Variants in ADAMTSL1 observed in about 807,000 individuals in gnomAD.
ADAMTSL1 encodes ADAMTS-like protein 1.
ADAMTSL1 carries 126 observed loss-of-function variants against 201.8 expected under a neutral mutation model. The ratio of observed to expected loss-of-function variants is 0.62; its 90% CI spans 0.54 to 0.72. The LOEUF (loss-of-function observed/expected upper bound fraction) is 0.72. Ranked by LOEUF, ADAMTSL1 falls within the 30% of genes least tolerant of loss-of-function variation. The pLI, the probability that ADAMTSL1 is intolerant of heterozygous loss-of-function variation, is 0.00. For missense variants in ADAMTSL1, 2,679 were observed against 2,277.8 expected (o/e 1.18, Z -3.59); for synonymous variants, 1,121 against 903.4 (o/e 1.24, Z -4.32).
At chr9:18,607,807 T>C (rs1275620492) in intron 4 of ADAMTSL1, among the ~76,000 whole-genome samples, 1 of 147,932 alleles carries the variant, frequency 6.8e-6, no homozygotes, top group African/African-American at 2.5e-5. Flanking sequence ...AGTTCCCACC[T>C]ATGAGTGAGA....
intron 2 of ADAMTSL1, among the ~76,000 whole-genome samples, chr9:18,298,373 A>C (rs565549948): frequency 2.6e-5 from 4 of 152,318 alleles, no homozygotes; most frequent in African/African-American, 9.6e-5. Context: ...AAATCAGATG[A>C]CAAAAAGTGT....
chr9:17,927,115 G>A (rs188932541), intron 1 of ADAMTSL1, among the ~76,000 whole-genome samples: 1 of 152,056 alleles, frequency 6.6e-6, no homozygotes, highest in Non-Finnish European at 1.5e-5. Flanking sequence ...TTATGATTTT[G>A]ACTGCTCTAG....
At chr9:18,052,432 G>A (rs1821980001) in intron 1 of ADAMTSL1, among the ~76,000 whole-genome samples, 1 of 152,218 alleles carries the variant, frequency 6.6e-6, no homozygotes, top group African/African-American at 2.4e-5. Flanking sequence ...AGCCAATGGA[G>A]AGATGGGGGA....
intron 13 of ADAMTSL1, among the ~76,000 whole-genome samples, chr9:18,706,451 TC>T (rs1478902670): frequency 6.6e-6 from 1 of 152,166 alleles, no homozygotes; most frequent in Non-Finnish European, 1.5e-5. Context: ...AACCACCAAT[TC>T]CCTGCTTGGA....
At chr9:17,981,614 T>C (rs1818702250) in intron 1 of ADAMTSL1, among the ~76,000 whole-genome samples, 1 of 152,212 alleles carries the variant, frequency 6.6e-6, no homozygotes, top group Non-Finnish European at 1.5e-5. Flanking sequence ...TGCGTTTTCT[T>C]CTGCCAGGCA....
intron 4 of ADAMTSL1, among the ~76,000 whole-genome samples, chr9:18,593,194 G>A (rs1564075648): frequency 6.6e-6 from 1 of 151,946 alleles, no homozygotes; most frequent in Non-Finnish European, 1.5e-5. Context: ...TTTCCAATTT[G>A]GAAACCCTTT....
intron 1 of ADAMTSL1, among the ~76,000 whole-genome samples, chr9:18,077,769 C>A (rs548939462): frequency 1.2e-3 from 180 of 152,196 alleles, no homozygotes; most frequent in Non-Finnish European, 1.8e-3. Context: ...TATTTGTATG[C>A]TGATAGAATG....
At chr9:18,122,237 C>T (rs1039476575) in intron 1 of ADAMTSL1, among the ~76,000 whole-genome samples, 4 of 151,934 alleles carry the variant, frequency 2.6e-5, no homozygotes, top group Non-Finnish European at 5.9e-5. Context: ...TTCATAACTC[C>T]AATAATAGTT....
At chr9:18,230,918 G>T (rs189878602) in intron 2 of ADAMTSL1, among the ~76,000 whole-genome samples, 14 of 152,212 alleles carry the variant, frequency 9.2e-5, no homozygotes, top group Admixed American at 6.5e-4. Flanking sequence ...GTACATATTT[G>T]TGCCTAGGAT....
rs1421077752 is a variant in ADAMTSL1 at position 18,661,816 on chromosome 9, T to C, written c.947-119T>C. On this transcript the variant is annotated intron_variant, in intron 8 of 28. Transcript: ENST00000380548. Reference sequence around the variant, plus strand: ...CCTTCCAATTATGTGTCTTTTTTCCTGGAAATGACTAAGGCATTGGGGAAT... The same window carrying C: ...CCTTCCAATTATGTGTCTTTTTTCCCGGAAATGACTAAGGCATTGGGGAAT... The C allele has an allele frequency of 2.7e-6, 3 of 1,098,704 alleles. No homozygotes were observed. In the East Asian group the frequency reaches 8.2e-5, roughly 30 times the overall value. 68.1% of individuals were successfully genotyped at this position (1,098,704 alleles called of 1,614,324 possible).
chr9:18,791,504 CAAAGGG>C (rs1399366903), intron 19 of ADAMTSL1, among the ~76,000 whole-genome samples: 2 of 151,734 alleles, frequency 1.3e-5, no homozygotes, highest in African/African-American at 4.8e-5. Context: ...ATGGTGGTCC[CAAAGGG>C]ATTATAGGGT....
intron 11 of ADAMTSL1, 114 bp from the exon 12 acceptor site, chr9:18,681,698 G>GTGGGGT: frequency 3.1e-6 from 1 of 322,690 alleles, no homozygotes; most frequent in Non-Finnish European, 4.6e-6. Flanking sequence ...GTCCTCGTGT[G>GTGGGGT]GGGGGGGGGG....
chr9:18,490,523 G>A (rs946187816), intron 1 of ADAMTSL1, among the ~76,000 whole-genome samples: 1 of 152,186 alleles, frequency 6.6e-6, no homozygotes, highest in African/African-American at 2.4e-5. Context: ...ATTCAGGTAA[G>A]TGAAACTAGA....
At chr9:18,088,484 T>C (rs1351890522) in intron 1 of ADAMTSL1, among the ~76,000 whole-genome samples, 4 of 152,132 alleles carry the variant, frequency 2.6e-5, no homozygotes, top group Admixed American at 2.6e-4. Flanking sequence ...AGAAAACATT[T>C]ACAAATTATA....
rs1021695451 is a variant in ADAMTSL1, at chr9:18,099,355, A to C, written c.88-64507A>C. Among the ~76,000 whole-genome samples the C allele has an allele frequency of 8.8e-5, 4 of 45,546 alleles. No homozygotes were observed. The Admixed American group carries it at 1.3e-3, about 15-fold the overall frequency. 29.9% of individuals were successfully genotyped at this position (45,546 alleles called of 152,430 possible). A position where few individuals can be genotyped will look rare whatever the true frequency, so the allele number is the denominator to read the frequency against. On this transcript the variant is annotated intron_variant, in intron 1 of 29. Transcript: ENST00000680146. ...TATATATATATATATATATATATAT[A>C]TTTTTTTTTTTTTTTTTAACATCCA...
At chr9:18,588,814 ATCTG>A (rs1823694390) in intron 4 of ADAMTSL1, among the ~76,000 whole-genome samples, 4 of 141,732 alleles carry the variant, frequency 2.8e-5, no homozygotes. Context: ...CCATTGGTGT[ATCTG>A]TCTGTTTTTA....
intron 1 of ADAMTSL1, among the ~76,000 whole-genome samples, chr9:18,130,143 G>A (rs1370138485): frequency 2.6e-5 from 4 of 152,112 alleles, no homozygotes; most frequent in Non-Finnish European, 4.4e-5. Context: ...TGCCATCACA[G>A]TAACCTCAGC....
At chr9:18,767,125 G>C (rs557016066) in intron 16 of ADAMTSL1, among the ~76,000 whole-genome samples, 11 of 152,240 alleles carry the variant, frequency 7.2e-5, no homozygotes, top group African/African-American at 2.6e-4. Flanking sequence ...TTGGGATGAG[G>C]TTGGAAGGGC....
At chr9:18,881,673 C>T (rs541242082) in intron 23 of ADAMTSL1, among the ~76,000 whole-genome samples, 1 of 152,276 alleles carries the variant, frequency 6.6e-6, no homozygotes, top group South Asian at 2.1e-4. Context: ...AAAATCATGC[C>T]AGTAGATTTG....
Sources: gnomAD v4.1 joint callset for allele counts (sites outside exome capture counted in the v4.1 genomes callset) on GRCh38, gnomAD v4.1.1 for gene constraint, MANE v1.5 for transcripts, NCBI Gene and HGNC (gene_info 2026-07-23, HGNC 2026-07-21) for gene names.